Variants in ETFA observed in about 807,000 individuals in gnomAD.
ETFA encodes the protein electron transfer flavoprotein subunit alpha, mitochondrial.
In ETFA, 22 loss-of-function variants were observed where a neutral mutation model predicts 46.2. The observed-to-expected ratio is 0.48, with a 90% CI of 0.34 to 0.68. The LOEUF is 0.68. Among genes scored for constraint, ETFA ranks in the 30% least tolerant of loss-of-function variants. The probability of loss-of-function intolerance (pLI) is 0.01; values close to 1 mark genes in which losing one functional copy is unlikely to be tolerated. For synonymous variants in ETFA, 131 were observed against 139.9 expected (o/e 0.94, Z 0.45); for missense variants, 345 against 401.1 (o/e 0.86, Z 1.19).
intron 1 of ETFA, among the ~76,000 whole-genome samples, chr15:76,307,634 G>T (rs2141559276): frequency 6.6e-6 from 1 of 151,804 alleles, no homozygotes; most frequent in African/African-American, 2.4e-5. Flanking sequence ...CTACAGGTGT[G>T]AACCATGGCG....
At chr15:76,301,089 T>G (rs1248398050) in intron 1 of ETFA, among the ~76,000 whole-genome samples, 1 of 152,222 alleles carries the variant, frequency 6.6e-6, no homozygotes, top group Non-Finnish European at 1.5e-5. Flanking sequence ...TAATATCTCA[T>G]AGAGTTGTTG....
At position 76,216,119 on chromosome 15, in the gene ETFA, G is replaced by A. The variant is rs2038893247; in HGVS notation, c.*440C>T. The A allele has an allele frequency of 6.0e-6, 1 of 165,492 alleles. No homozygotes were observed. Among genetic ancestry groups the A allele is most frequent in the African/African-American group, 2.4e-5 (1 of 41,502 alleles). 10.3% of individuals were successfully genotyped at this position (165,492 alleles called of 1,614,324 possible). ...CAATTCAGTTACCTTCTCCTATGAA[G>A]TTTGCCCTTCAACAATGAGATTAGT... On this transcript the variant is annotated 3_prime_UTR_variant, in exon 12 of 12. Transcript: ENST00000557943.
intron 9 of ETFA, among the ~76,000 whole-genome samples, chr15:76,251,070 T>C (rs1009958971): frequency 1.3e-5 from 2 of 152,086 alleles, no homozygotes; most frequent in African/African-American, 4.8e-5. Context: ...ATAAGCTACA[T>C]TTTCAAGCTT....
At chr15:76,251,862 C>T (rs1341100332) in intron 9 of ETFA, among the ~76,000 whole-genome samples, 3 of 152,182 alleles carry the variant, frequency 2.0e-5, no homozygotes, top group South Asian at 2.1e-4. Context: ...AATTAGTGTA[C>T]ACTGAGGGAC....
intron 9 of ETFA, among the ~76,000 whole-genome samples, chr15:76,266,339 C>G (rs2039470291): frequency 6.6e-6 from 1 of 152,158 alleles, no homozygotes; most frequent in South Asian, 2.1e-4. Flanking sequence ...GAAAGTACTG[C>G]CACAAGGCAT....
At chr15:76,279,056 T>C (rs1165239377) in intron 8 of ETFA, among the ~76,000 whole-genome samples, 1 of 152,194 alleles carries the variant, frequency 6.6e-6, no homozygotes, top group Non-Finnish European at 1.5e-5. Flanking sequence ...GTCCCCCTGT[T>C]GGCCAGACTC....
chr15:76,294,515 T>C (rs1159382468), intron 2 of ETFA, among the ~76,000 whole-genome samples: 2 of 152,196 alleles, frequency 1.3e-5, no homozygotes, highest in African/African-American at 4.8e-5. Flanking sequence ...ACCAGCAGTA[T>C]GAACCTCCAT....
At chr15:76,307,151 ATCT>A (rs1375580462) in intron 1 of ETFA, among the ~76,000 whole-genome samples, 8 of 152,206 alleles carry the variant, frequency 5.3e-5, no homozygotes, top group Admixed American at 1.3e-4. Context: ...ATTTTTCTGC[ATCT>A]TCTTATTCTT....
At chr15:76,257,496 A>G (rs1320055839) in intron 9 of ETFA, among the ~76,000 whole-genome samples, 1 of 152,218 alleles carries the variant, frequency 6.6e-6, no homozygotes, top group East Asian at 1.9e-4. Flanking sequence ...TAGAATGGCA[A>G]TCATTAAAAA....
At chr15:76,296,938 T>C (rs16968083) in intron 1 of ETFA, among the ~76,000 whole-genome samples, 39,819 of 152,182 alleles carry the variant, frequency 0.26, 5,910 homozygotes, top group East Asian at 0.58. Flanking sequence ...TCAGGTGTTC[T>C]ATCATGTGAA....
intron 1 of ETFA, among the ~76,000 whole-genome samples, chr15:76,306,284 T>TTTTTTTTTTTTA (rs1264546936): frequency 7.4e-6 from 1 of 135,592 alleles, no homozygotes; most frequent in African/African-American, 2.9e-5. Context: ...TTTTTTTTTT[T>TTTTTTTTTTTTA]GAGACAGAGT....
intron 9 of ETFA, among the ~76,000 whole-genome samples, chr15:76,257,758 G>C (rs2039359489): frequency 6.6e-6 from 1 of 151,844 alleles, no homozygotes; most frequent in African/African-American, 2.4e-5. Flanking sequence ...GAAAAGACTT[G>C]GAACCAACCC....
At chr15:76,247,911 C>A (rs1343119615) in intron 9 of ETFA, among the ~76,000 whole-genome samples, 2 of 152,108 alleles carry the variant, frequency 1.3e-5, no homozygotes, top group Non-Finnish European at 2.9e-5. Context: ...GACTGTGAAC[C>A]AGTTATTAAT....
At chr15:76,233,965 T>A (rs540516388) in intron 9 of ETFA, among the ~76,000 whole-genome samples, 1 of 152,168 alleles carries the variant, frequency 6.6e-6, no homozygotes, top group Non-Finnish European at 1.5e-5. Context: ...ATAAACATAA[T>A]ATAAATGAAA....
chr15:76,233,708 T>A (rs2039093542), intron 9 of ETFA, among the ~76,000 whole-genome samples: 1 of 152,192 alleles, frequency 6.6e-6, no homozygotes, highest in Non-Finnish European at 1.5e-5. Context: ...AAACTGTTAA[T>A]CAAAATATAC....
intron 11 of ETFA, among the ~76,000 whole-genome samples, chr15:76,225,013 A>G (rs972638892): frequency 6.6e-6 from 1 of 152,026 alleles, no homozygotes; most frequent in Non-Finnish European, 1.5e-5. Context: ...GGAGTGAGAA[A>G]TAAGTGCTCT....
chr15:76,283,587 A>G (rs2039675880), intron 8 of ETFA, among the ~76,000 whole-genome samples, 170 bp downstream of exon 8: 2 of 152,238 alleles, frequency 1.3e-5, no homozygotes, highest in Admixed American at 1.3e-4. Flanking sequence ...TGAATGCTAT[A>G]TACCATTTAC....
intron 9 of ETFA, among the ~76,000 whole-genome samples, chr15:76,235,902 A>T (rs1473742685): frequency 1.3e-5 from 2 of 152,200 alleles, no homozygotes; most frequent in African/African-American, 4.8e-5. Context: ...TTTAGACAAA[A>T]CAAGCTTTTA....
chr15:76,296,730 A>C (rs2039827776), intron 1 of ETFA, among the ~76,000 whole-genome samples: 2 of 152,228 alleles, frequency 1.3e-5, no homozygotes, highest in South Asian at 2.1e-4. Flanking sequence ...AGAAACCACC[A>C]ATCATTCATG....
Sources: gnomAD v4.1 joint callset for allele counts (sites outside exome capture counted in the v4.1 genomes callset) on GRCh38, gnomAD v4.1.1 for gene constraint, MANE v1.5 for transcripts, NCBI Gene and HGNC (gene_info 2026-07-23, HGNC 2026-07-21) for gene names.